The following PEPD variants were observed in gnomAD, a reference collection of about 807,000 sequenced individuals.
PEPD encodes xaa-Pro dipeptidase.
Under a neutral mutation model 60.7 loss-of-function variants are expected in PEPD, and 53 were observed. The ratio of observed to expected loss-of-function variants is 0.87; its 90% CI spans 0.70 to 1.10. The LOEUF is 1.10. Among genes scored for constraint, PEPD ranks in the 50% least tolerant of loss-of-function variants. The pLI is 0.00. For missense variants in PEPD, 711 were observed against 711.9 expected (o/e 1.00, Z 0.01); for synonymous variants, 267 against 284.1 (o/e 0.94, Z 0.60).
At position 33,387,233 on chromosome 19, in the gene PEPD, T is replaced by A; in HGVS notation, c.*111A>T. On this transcript the variant is annotated 3_prime_UTR_variant, in exon 15 of 15. Coordinates refer to ENST00000244137, the MANE Select transcript of PEPD (RefSeq NM_000285.4). ...GTCTGATCAAATGCCGAAGCTGGGATCTGATTCTGGGTGCCGTCTCTCGCT... is the reference window on the plus strand; with the variant it reads ...GTCTGATCAAATGCCGAAGCTGGGAACTGATTCTGGGTGCCGTCTCTCGCT... The A allele has an allele frequency of 7.7e-7, 1 of 1,301,404 alleles. No homozygotes were observed. The highest frequency in any genetic ancestry group is 1.2e-5 in the South Asian group (1 of 80,978). 80.6% of individuals were successfully genotyped at this position (1,301,404 alleles called of 1,614,324 possible).
At chr19:33,447,716 C>T (rs1292366316) in intron 9 of PEPD, among the ~76,000 whole-genome samples, 2 of 152,178 alleles carry the variant, frequency 1.3e-5, no homozygotes, top group Non-Finnish European at 2.9e-5. Context: ...TCAGCCACCC[C>T]CAAGATGCTT....
chr19:33,422,391 C>T (rs546302454), intron 9 of PEPD, among the ~76,000 whole-genome samples: 2 of 151,136 alleles, frequency 1.3e-5, no homozygotes, highest in African/African-American at 2.4e-5. Context: ...TCTACCCATC[C>T]ATCCATCTAT....
chr19:33,411,107 C>T (rs781088260), intron 11 of PEPD, among the ~76,000 whole-genome samples: 25 of 152,198 alleles, frequency 1.6e-4, no homozygotes, highest in African/African-American at 2.7e-4. Context: ...ATCTCCTTGT[C>T]GTGGCTTCTA....
At chr19:33,512,466 G>A (rs1333634542) in intron 2 of PEPD, 127 bp downstream of exon 2, 2 of 888,532 alleles carry the variant, frequency 2.3e-6, no homozygotes. Context: ...CACTTCCCAG[G>A]CGAGGAAACA....
At chr19:33,496,909 G>C (rs1289969225) in intron 4 of PEPD, among the ~76,000 whole-genome samples, 1 of 152,216 alleles carries the variant, frequency 6.6e-6, no homozygotes, top group Non-Finnish European at 1.5e-5. Flanking sequence ...TTTTCGCAGG[G>C]TGATAAGCTG....
chr19:33,474,085 G>T (rs564981772), intron 7 of PEPD, among the ~76,000 whole-genome samples: 2 of 152,214 alleles, frequency 1.3e-5, no homozygotes, highest in Non-Finnish European at 2.9e-5. Flanking sequence ...TGGGTGCCAA[G>T]GAAGCCAAGC....
intron 9 of PEPD, among the ~76,000 whole-genome samples, chr19:33,440,052 T>G (rs1969454595): frequency 6.6e-6 from 1 of 152,158 alleles, no homozygotes; most frequent in Admixed American, 6.5e-5. Flanking sequence ...TGGCTTTTCC[T>G]CAAGCGTTTC....
intron 13 of PEPD, among the ~76,000 whole-genome samples, chr19:33,389,655 C>T (rs1968165379): frequency 6.6e-6 from 1 of 152,242 alleles, no homozygotes; most frequent in African/African-American, 2.4e-5. Flanking sequence ...TCCCCATGGG[C>T]CCACCCCGGC....
chr19:33,450,780 G>A (rs1444385042), intron 9 of PEPD, among the ~76,000 whole-genome samples: 1 of 152,164 alleles, frequency 6.6e-6, no homozygotes, highest in South Asian at 2.1e-4. Flanking sequence ...AACTGAGGCA[G>A]GAGGCGGGAC....
At chr19:33,453,317 A>AAATAAAT (rs1555762505) in intron 9 of PEPD, among the ~76,000 whole-genome samples, 10 of 148,752 alleles carry the variant, frequency 6.7e-5, no homozygotes, top group South Asian at 6.3e-4. Flanking sequence ...CTGTCATAAA[A>AAATAAAT]AAATAAATAA....
intron 11 of PEPD, among the ~76,000 whole-genome samples, chr19:33,406,186 T>C (rs1463840295): frequency 1.3e-5 from 2 of 152,156 alleles, no homozygotes; most frequent in Admixed American, 6.5e-5. Flanking sequence ...CATGCTGTAT[T>C]TTGCTTTTTT....
intron 9 of PEPD, among the ~76,000 whole-genome samples, chr19:33,436,565 G>A (rs12150970): frequency 7.9e-5 from 12 of 152,188 alleles, no homozygotes; most frequent in Non-Finnish European, 1.5e-5. Flanking sequence ...GGGGCTGGGA[G>A]AAGAAGATGT....
At chr19:33,467,970 C>T (rs1166576063) in intron 7 of PEPD, among the ~76,000 whole-genome samples, 1 of 152,070 alleles carries the variant, frequency 6.6e-6, no homozygotes, top group African/African-American at 2.4e-5. Flanking sequence ...AGCGCAGAGA[C>T]CATGGAGAGA....
chr19:33,506,799 C>T (rs937331876), intron 3 of PEPD, among the ~76,000 whole-genome samples: 3 of 150,652 alleles, frequency 2.0e-5, no homozygotes, highest in Non-Finnish European at 3.0e-5. Context: ...ATCACAAACA[C>T]CCTACACACC....
At chr19:33,496,114 G>A (rs899286440) in intron 4 of PEPD, among the ~76,000 whole-genome samples, 11 of 152,172 alleles carry the variant, frequency 7.2e-5, no homozygotes, top group South Asian at 2.1e-4. Flanking sequence ...GTGTTGTTAC[G>A]TTGATGTGAA....
At chr19:33,432,458 G>A (rs1386217514) in intron 9 of PEPD, among the ~76,000 whole-genome samples, 4 of 152,126 alleles carry the variant, frequency 2.6e-5, no homozygotes, top group African/African-American at 9.7e-5. Context: ...CCCCACCCCA[G>A]GGGAACACCG....
chr19:33,419,611 T>G (rs977262082), intron 9 of PEPD, among the ~76,000 whole-genome samples: 7 of 152,146 alleles, frequency 4.6e-5, no homozygotes, highest in Admixed American at 3.3e-4. Context: ...GGTCTGTCAG[T>G]AGGTGGGGGC....
chr19:33,471,876 A>G (rs1371845166), intron 7 of PEPD, among the ~76,000 whole-genome samples: 7 of 152,282 alleles, frequency 4.6e-5, no homozygotes, highest in African/African-American at 1.4e-4. Context: ...AAAATCAGCC[A>G]GATGGCCAGG....
At chr19:33,458,105 T>C (rs976331952) in intron 9 of PEPD, among the ~76,000 whole-genome samples, 2 of 151,764 alleles carry the variant, frequency 1.3e-5, no homozygotes, top group Non-Finnish European at 1.5e-5. Context: ...GGTGGGTACA[T>C]GTTGTGTGTG....
Sources: gnomAD v4.1 joint callset for allele counts (sites outside exome capture counted in the v4.1 genomes callset) on GRCh38, gnomAD v4.1.1 for gene constraint, MANE v1.5 for transcripts, NCBI Gene and HGNC (gene_info 2026-07-23, HGNC 2026-07-21) for gene names.